Variants in EPB41L1 observed in about 807,000 individuals in gnomAD.
EPB41L1 encodes the protein erythrocyte membrane protein band 4.1 like 1, also known as band 4.1-like protein 1.
EPB41L1 carries 29 observed loss-of-function variants against 97.8 expected under a neutral mutation model. That is an observed-to-expected ratio of 0.30 (90% CI 0.22 to 0.40). EPB41L1 has a LOEUF of 0.40. Ranked by LOEUF, EPB41L1 falls within the 10% of genes least tolerant of loss-of-function variation. The pLI is 1.00. For missense variants in EPB41L1, 812 were observed against 1,162.3 expected, an observed-to-expected ratio of 0.70 and a Z score of 4.38; for synonymous variants, 383 against 459.2, an observed-to-expected ratio of 0.83 and a Z score of 2.12.
At position 36,188,313 on chromosome 20, in the gene EPB41L1, C is replaced by T. The variant is rs751469934; in HGVS notation, c.874-34C>T. The T allele has an allele frequency of 2.9e-5, 47 of 1,611,792 alleles. 1 individual carries two copies. Among genetic ancestry groups the T allele is most frequent in the Admixed American group, 2.3e-4 (14 of 59,988 alleles). The stretch of plus-strand genomic sequence containing the variant: ...GTAGGCTGTCCCCAGGCATGGACCC[C>T]GGGCCTCCCATTCCATGGTCTCTTC... On this transcript the variant is annotated intron_variant, in intron 8 of 21. Transcript: ENST00000338074.
At chr20:36,154,067 G>C (rs1173684978), upstream of EPB41L1, among the ~76,000 whole-genome samples, 1 of 152,138 alleles carries the variant, frequency 6.6e-6, no homozygotes, top group Non-Finnish European at 1.5e-5. This position sits in a 1 kb window ranked among gnomAD's most constrained non-coding sequence, Gnocchi z 5.5. Context: ...TACTGTCATT[G>C]TCACCAAGGC....
At chr20:36,171,774 G>A (rs2060999080) in intron 1 of EPB41L1, among the ~76,000 whole-genome samples, 1 of 152,196 alleles carries the variant, frequency 6.6e-6, no homozygotes, top group Admixed American at 6.5e-5. Context: ...GCCCAGGGTG[G>A]ATGCTGTGTC....
intron 14 of EPB41L1, among the ~76,000 whole-genome samples, chr20:36,199,765 G>A (rs1184881739): frequency 6.6e-6 from 1 of 152,184 alleles, no homozygotes; most frequent in Non-Finnish European, 1.5e-5. Flanking sequence ...ATCCTGATGT[G>A]GGCTGGCCAA....
At chr20:36,136,312 A>G (rs1303483527) in intron 2 of EPB41L1, among the ~76,000 whole-genome samples, 1 of 149,052 alleles carries the variant, frequency 6.7e-6, no homozygotes, top group East Asian at 2.0e-4. Context: ...CTGGGACTAC[A>G]GGCACATGCA....
rs2064360391 is a variant in EPB41L1 at position 36,229,118 on chromosome 20, C to T, written c.2638-214C>T. Among the ~76,000 whole-genome samples, 7 of 152,168 alleles carry T rather than the reference C, an allele frequency of 4.6e-5. No individual in the cohort carries two copies. In the South Asian group the frequency reaches 1.5e-3, roughly 32 times the overall value. On this transcript the variant is annotated intron_variant, in intron 21 of 21. Coordinates refer to ENST00000338074, the MANE Select transcript of EPB41L1 (RefSeq NM_012156.2). ...CTTGAGTTTCTCACCTCAAGAGATC[C>T]TTCCACCTCAGCCTCCCAAGTAGCT...
intron 2 of EPB41L1, among the ~76,000 whole-genome samples, chr20:36,174,740 TTC>T (rs377583988): frequency 6.6e-6 from 1 of 152,230 alleles, no homozygotes; most frequent in African/African-American, 2.4e-5. Context: ...TAAAATTTTA[TTC>T]TCTCAGACTA....
At chr20:36,129,078 G>T (rs919700674) in intron 2 of EPB41L1, among the ~76,000 whole-genome samples, 11 of 152,102 alleles carry the variant, frequency 7.2e-5, no homozygotes, top group Non-Finnish European at 1.5e-4. Context: ...CTTACATGGA[G>T]GAGGCACAGA....
intron 14 of EPB41L1, chr20:36,205,917 G>T: frequency 7.8e-7 from 1 of 1,289,870 alleles, no homozygotes; most frequent in African/African-American, 1.5e-5. Flanking sequence ...TCCTAAAAGT[G>T]ACCACCATGC....
intron 2 of EPB41L1, among the ~76,000 whole-genome samples, chr20:36,142,001 C>T (rs1049469965): frequency 6.6e-5 from 10 of 150,514 alleles, no homozygotes; most frequent in African/African-American, 1.5e-4. Flanking sequence ...CCCAATTACT[C>T]GGGAGGCTGA....
In EPB41L1 at chr20:36,206,145, A is replaced by G. The variant is rs1200924408; in HGVS notation, c.1669-3343A>G. 7.8e-7 allele frequency: 1 copy of G among 1,289,886 alleles called. No individual in the cohort carries two copies. The highest frequency in any genetic ancestry group is 1.0e-6 in the Non-Finnish European group (1 of 988,892). 79.9% of individuals were successfully genotyped at this position (1,289,886 alleles called of 1,614,324 possible). On this transcript the variant is annotated intron_variant, in intron 14 of 21. Coordinates refer to ENST00000338074, the MANE Select transcript of EPB41L1 (RefSeq NM_012156.2). This position sits in a 1 kb window ranked among gnomAD's most constrained non-coding sequence, Gnocchi z 5.5. ...GCCCCTGGATCAGGGAAAGCCCAGG[A>G]GGGGCTGCCCTGGCTTCCGGCCGCA...
At position 36,222,318 on chromosome 20, in the gene EPB41L1, C is replaced by T; in HGVS notation, c.2561C>T (p.Pro854Leu). The T allele has an allele frequency of 1.2e-6, 2 of 1,614,168 alleles. No individual in the cohort carries two copies. Among genetic ancestry groups the T allele is most frequent in the Non-Finnish European group, 1.7e-6 (2 of 1,180,022 alleles). ...LAIKEAKLQH[P>L]DMLVTKAVVY... Reference sequence around the variant, plus strand: ...ATCAAGGAGGCCAAACTGCAGCATCCTGATATGCTGGTAACCAAAGCTGTC... The same window carrying T: ...ATCAAGGAGGCCAAACTGCAGCATCTTGATATGCTGGTAACCAAAGCTGTC... Residue 854 changes from proline (P) to leucine (L), a missense_variant, in exon 21 of 22, where the codon CCT (proline) becomes CTT (leucine). Physicochemically the swap from Pro to Leu is moderately conservative, Grantham distance 98. Transcript: ENST00000338074.
Position 36,209,436 on chromosome 20 carries a change from T to G in EPB41L1, c.1669-52T>G. On this transcript the variant is annotated intron_variant, in intron 14 of 21. Coordinates refer to ENST00000338074, the MANE Select transcript of EPB41L1 (RefSeq NM_012156.2). This position sits in a 1 kb window ranked among gnomAD's most constrained non-coding sequence, Gnocchi z 4.2. ...CATTCACCATCTTGATTTCTCTTTC[T>G]CTCTCTCTCCCCACCCCACATCCCC... 6.3e-7 allele frequency: 1 copy of G among 1,582,216 alleles called. No homozygotes were observed.
chr20:36,108,504 T>A (rs935320253), intron 1 of EPB41L1, among the ~76,000 whole-genome samples: 2 of 144,630 alleles, frequency 1.4e-5, no homozygotes, highest in African/African-American at 5.2e-5. Flanking sequence ...GGGAAACCTG[T>A]CTCTACTGAA....
At chr20:36,154,360 GC>G (rs1028048985), upstream of EPB41L1, among the ~76,000 whole-genome samples, 23 of 152,252 alleles carry the variant, frequency 1.5e-4, no homozygotes, top group Admixed American at 1.2e-3. The surrounding 1 kb of genome is among the most constrained non-coding windows in gnomAD (Gnocchi z 5.5). Context: ...CTTGGCGAGA[GC>G]AAGGAGGCCC....
intron 1 of EPB41L1, among the ~76,000 whole-genome samples, chr20:36,157,684 G>A (rs2060365515): frequency 6.6e-6 from 1 of 152,190 alleles, no homozygotes; most frequent in Non-Finnish European, 1.5e-5. Flanking sequence ...GGTAGGGGTA[G>A]ATAAGTACTG....
intron 2 of EPB41L1, among the ~76,000 whole-genome samples, chr20:36,115,609 A>C (rs1293704853): frequency 1.3e-5 from 2 of 152,206 alleles, no homozygotes; most frequent in African/African-American, 4.8e-5. Flanking sequence ...TTGCAGCAAC[A>C]GTCCAGGTGC....
chr20:36,193,162 G>C (rs1438614332), intron 11 of EPB41L1, among the ~76,000 whole-genome samples: 1 of 152,184 alleles, frequency 6.6e-6, no homozygotes, highest in African/African-American at 2.4e-5. Flanking sequence ...GGTTAGCCCA[G>C]AGCTGGTGAA....
Position 36,207,789 on chromosome 20 carries a change from C to T in EPB41L1, c.1669-1699C>T. 1 of 1,284,760 alleles carries T rather than the reference C, an allele frequency of 7.8e-7. No homozygotes were observed. The highest frequency in any genetic ancestry group is 1.2e-5 in the South Asian group (1 of 80,336). The allele number at this position is 1,284,760 out of a possible 1,614,324, so 79.6% of individuals were successfully genotyped here. On this transcript the variant is annotated intron_variant, in intron 14 of 21. Coordinates refer to ENST00000338074, the MANE Select transcript of EPB41L1 (RefSeq NM_012156.2). This position sits in a 1 kb window ranked among gnomAD's most constrained non-coding sequence, Gnocchi z 4.9. Reference sequence around the variant, plus strand: ...AAGCTACTGGAACTGGGGTAACTGGCCGCGTGAGCCCCCGCCCCCACCGCT... The same window carrying T: ...AAGCTACTGGAACTGGGGTAACTGGTCGCGTGAGCCCCCGCCCCCACCGCT...
intron 2 of EPB41L1, chr20:36,121,700 C>A (rs2058756738): frequency 6.6e-6 from 1 of 152,300 alleles, no homozygotes; most frequent in African/African-American, 2.4e-5. Flanking sequence ...TCATCAGCTT[C>A]CCCACACTGA....
Sources: gnomAD v4.1 joint callset for allele counts (sites outside exome capture counted in the v4.1 genomes callset) on GRCh38, gnomAD v4.1.1 for gene constraint, Gnocchi (gnomAD v3.1) non-coding constraint, MANE v1.5 for transcripts, NCBI Gene and HGNC (gene_info 2026-07-23, HGNC 2026-07-21) for gene names.